TCF4: variants seen among roughly 807,000 people sequenced by gnomAD.
TCF4 encodes SL3-3 enhancer factor 2.
In TCF4, 3 loss-of-function variants were observed where a neutral mutation model predicts 82.1. That is an observed-to-expected ratio of 0.04 (90% CI 0.02 to 0.09). The LOEUF (loss-of-function observed/expected upper bound fraction) is 0.09, where lower values mean the gene tolerates loss of function less well. Among genes scored for constraint, TCF4 ranks in the 10% least tolerant of loss-of-function variants. TCF4 has a pLI of 1.00. For missense variants in TCF4, 518 were observed against 852.7 expected (o/e 0.61, Z 4.89); for synonymous variants, 276 against 309.6 (o/e 0.89, Z 1.14).
At chr18:55,586,838 CTCA>C in intron 2 of TCF4, 1 of 510,016 alleles carries the variant, frequency 2.0e-6, no homozygotes, top group Non-Finnish European at 3.5e-6. Context: ...AGTAATAAAA[CTCA>C]AAAAAAAAAA....
intron 15 of TCF4, among the ~76,000 whole-genome samples, chr18:55,237,114 T>C (rs570063717): frequency 1.6e-4 from 25 of 152,300 alleles, no homozygotes; most frequent in Middle Eastern, 3.4e-3. Context: ...TGGTATGTAA[T>C]AGGTACATAA....
Position 55,530,953 on chromosome 18 carries a change from AT to A in TCF4, c.145+54326del, listed in dbSNP as rs553589209. On this transcript the variant is annotated intron_variant, in intron 3 of 19. Transcript: ENST00000354452. The stretch of plus-strand genomic sequence containing the variant: ...GGATACCAGAGCATTTTCTTTTTGC[AT>A]TTTTTTTTTTTAATTGAGACGGAGT... 2.9e-3 allele frequency among the ~76,000 whole-genome samples: 410 copies of A among 143,158 alleles called. 1 individual carries two copies. Among genetic ancestry groups the A allele is most frequent in the Middle Eastern group, 7.4e-3 (2 of 272 alleles). The allele number at this position is 143,158 out of a possible 152,430, so 93.9% of individuals were successfully genotyped here.
intron 3 of TCF4, among the ~76,000 whole-genome samples, chr18:55,578,121 A>G (rs2097545746): frequency 6.6e-6 from 1 of 152,162 alleles, no homozygotes; most frequent in African/African-American, 2.4e-5. Context: ...TATTTTTAAT[A>G]ACACAATACA....
chr18:55,383,482 A>T (rs2092247834), intron 6 of TCF4, among the ~76,000 whole-genome samples: 1 of 152,244 alleles, frequency 6.6e-6, no homozygotes, highest in Non-Finnish European at 1.5e-5. Flanking sequence ...CTCGACCCAC[A>T]CAAAGCCAGC....
At chr18:55,585,048 G>A (rs1182146645) in intron 3 of TCF4, among the ~76,000 whole-genome samples, 2 of 152,010 alleles carry the variant, frequency 1.3e-5, no homozygotes, top group African/African-American at 4.8e-5. Flanking sequence ...CTTAAATTAA[G>A]TGATGGAATT....
intron 5 of TCF4, among the ~76,000 whole-genome samples, chr18:55,458,864 C>T (rs183476989): frequency 1.4e-4 from 21 of 152,198 alleles, no homozygotes; most frequent in African/African-American, 5.1e-4. Context: ...CCGCGCAATA[C>T]CCTCTCGCTC....
chr18:55,600,851 G>T (rs182271234), intron 2 of TCF4, among the ~76,000 whole-genome samples: 239 of 152,202 alleles, frequency 1.6e-3, no homozygotes, highest in African/African-American at 5.6e-3. Context: ...TATTTCCTAC[G>T]CAATAGAGTG....
chr18:55,619,120 T>C (rs1212424462), intron 2 of TCF4, among the ~76,000 whole-genome samples: 1 of 152,124 alleles, frequency 6.6e-6, no homozygotes, highest in East Asian at 1.9e-4. Flanking sequence ...GTTTTGGGTT[T>C]TGTTTTGGGT....
intron 6 of TCF4, among the ~76,000 whole-genome samples, chr18:55,379,567 G>C (rs2145824073): frequency 6.6e-6 from 1 of 152,272 alleles, no homozygotes; most frequent in Non-Finnish European, 1.5e-5. Flanking sequence ...GGAGGAAGGG[G>C]ACCAGCCTCC....
At chr18:55,635,075 A>T (rs2097734957) in intron 1 of TCF4, among the ~76,000 whole-genome samples, 1 of 152,224 alleles carries the variant, frequency 6.6e-6, no homozygotes. Flanking sequence ...ATGCTGGCAG[A>T]GTTCTTGGAG....
intron 6 of TCF4, among the ~76,000 whole-genome samples, chr18:55,386,443 G>A (rs2092612138): frequency 6.6e-6 from 1 of 152,096 alleles, no homozygotes; most frequent in African/African-American, 2.4e-5. Context: ...TCTTTCCTAA[G>A]CATAAAAATC....
At chr18:55,425,038 T>A (rs979077264) in intron 5 of TCF4, among the ~76,000 whole-genome samples, 1 of 152,098 alleles carries the variant, frequency 6.6e-6, no homozygotes, top group African/African-American at 2.4e-5. Context: ...TTACTGAAAA[T>A]TTACACTAAG....
chr18:55,537,499 A>G (rs1422589240), intron 3 of TCF4, among the ~76,000 whole-genome samples: 1 of 152,102 alleles, frequency 6.6e-6, no homozygotes, highest in Non-Finnish European at 1.5e-5. Flanking sequence ...CTGAAGTGGG[A>G]GGATCACTTG....
chr18:55,380,164 G>A (rs920370313), intron 6 of TCF4, among the ~76,000 whole-genome samples: 1 of 152,038 alleles, frequency 6.6e-6, no homozygotes, highest in Non-Finnish European at 1.5e-5. Flanking sequence ...TTACAGGTGT[G>A]AGCCACCACG....
At chr18:55,277,853 A>G (rs759649593) in intron 9 of TCF4, among the ~76,000 whole-genome samples, 124 of 152,328 alleles carry the variant, frequency 8.1e-4, no homozygotes, top group Non-Finnish European at 1.4e-3. Context: ...AAGCTCCTGT[A>G]GGACAATATC....
chr18:55,490,554 C>T (rs2096565377), intron 3 of TCF4, among the ~76,000 whole-genome samples: 3 of 151,950 alleles, frequency 2.0e-5, no homozygotes, highest in Non-Finnish European at 2.9e-5. Flanking sequence ...TTATCAACAA[C>T]TGCTGAAATT....
chr18:55,609,745 C>T (rs965751924), intron 2 of TCF4, among the ~76,000 whole-genome samples: 1 of 152,148 alleles, frequency 6.6e-6, no homozygotes, highest in African/African-American at 2.4e-5. Context: ...AACAAGCATC[C>T]TTCCTCAGGG....
intron 8 of TCF4, among the ~76,000 whole-genome samples, chr18:55,285,833 G>A (rs962492634): frequency 2.0e-5 from 3 of 152,174 alleles, no homozygotes; most frequent in Admixed American, 2.0e-4. Flanking sequence ...CTAGTGGGAG[G>A]GGCAAGTTCT....
intron 15 of TCF4, among the ~76,000 whole-genome samples, chr18:55,240,300 C>A (rs1253921561): frequency 6.6e-6 from 1 of 152,026 alleles, no homozygotes; most frequent in Non-Finnish European, 1.5e-5. Flanking sequence ...GTTGTTTTTC[C>A]ATTAACACAA....
Sources: gnomAD v4.1 joint callset for allele counts (sites outside exome capture counted in the v4.1 genomes callset) on GRCh38, gnomAD v4.1.1 for gene constraint, MANE v1.5 for transcripts, NCBI Gene and HGNC (gene_info 2026-07-23, HGNC 2026-07-21) for gene names.